Variants in THSD7B observed in about 807,000 individuals in gnomAD.
The protein encoded by THSD7B is thrombospondin type-1 domain-containing protein 7B.
Under a neutral mutation model 213.6 loss-of-function variants are expected in THSD7B, and 138 were observed. The observed-to-expected ratio is 0.65, with a 90% CI of 0.56 to 0.74. The LOEUF (loss-of-function observed/expected upper bound fraction) is 0.74, where lower values mean the gene tolerates loss of function less well. THSD7B is among the 30% of genes least tolerant of loss of function. THSD7B has a pLI of 0.00. For missense variants in THSD7B, 1,931 were observed against 1,991.5 expected (o/e 0.97, Z 0.58); for synonymous variants, 742 against 687.0 (o/e 1.08, Z -1.25).
At chr2:136,768,500 G>T (rs1230865443) in intron 1 of THSD7B, among the ~76,000 whole-genome samples, 2 of 152,168 alleles carry the variant, frequency 1.3e-5, no homozygotes, top group Non-Finnish European at 2.9e-5. Flanking sequence ...ATAGAATGAT[G>T]AAGAATATTT....
chr2:136,933,772 T>G (rs1037905735), intron 2 of THSD7B, among the ~76,000 whole-genome samples: 6 of 152,216 alleles, frequency 3.9e-5, no homozygotes, highest in African/African-American at 1.4e-4. Flanking sequence ...CTATATTCTC[T>G]TTTCATATTC....
intron 1 of THSD7B, among the ~76,000 whole-genome samples, chr2:136,795,964 C>G (rs1246205053): frequency 6.6e-6 from 1 of 151,590 alleles, no homozygotes; most frequent in African/African-American, 2.4e-5. Flanking sequence ...TTATTTTTTC[C>G]CCTTTGGTTA....
At chr2:136,804,403 AACACACACAC>A (rs3030361) in intron 1 of THSD7B, among the ~76,000 whole-genome samples, 4,540 of 148,184 alleles carry the variant, frequency 0.031, 154 homozygotes, top group East Asian at 0.17. Context: ...ACACACACAT[AACACACACAC>A]ACACACACAC....
At chr2:137,301,192 C>T (rs1006630141) in intron 12 of THSD7B, among the ~76,000 whole-genome samples, 1 of 152,038 alleles carries the variant, frequency 6.6e-6, no homozygotes, top group African/African-American at 2.4e-5. Flanking sequence ...CCCAACTGCC[C>T]CCAGCTTCCT....
chr2:137,313,317 T>C (rs1310506032), intron 12 of THSD7B, among the ~76,000 whole-genome samples: 62 of 152,178 alleles, frequency 4.1e-4, no homozygotes, highest in Non-Finnish European at 6.2e-4. Flanking sequence ...TTATCAGAGA[T>C]GAGGATTGCA....
At chr2:137,121,528 ATG>A in intron 5 of THSD7B, among the ~76,000 whole-genome samples, 1 of 152,208 alleles carries the variant, frequency 6.6e-6, no homozygotes, top group African/African-American at 2.4e-5. Context: ...GAGATTATGA[ATG>A]ACCTAGAACT....
intron 1 of THSD7B, among the ~76,000 whole-genome samples, chr2:136,872,344 A>G (rs1683442181): frequency 8.1e-6 from 1 of 123,370 alleles, no homozygotes; most frequent in South Asian, 2.8e-4. Flanking sequence ...TCTGTGATCT[A>G]TGGGAAAGAG....
intron 10 of THSD7B, among the ~76,000 whole-genome samples, chr2:137,271,029 A>G (rs77849854): frequency 0.027 from 4,056 of 152,180 alleles, 106 homozygotes; most frequent in Middle Eastern, 0.095. Context: ...TGGGTCTTCT[A>G]GTATTAATGA....
chr2:137,105,853 T>C (rs1478478759), intron 4 of THSD7B, among the ~76,000 whole-genome samples: 2 of 152,104 alleles, frequency 1.3e-5, no homozygotes, highest in African/African-American at 4.8e-5. Flanking sequence ...GTGAAGGACC[T>C]CTTCAAGGAG....
chr2:137,562,262 T>C (rs1179626144), intron 15 of THSD7B, among the ~76,000 whole-genome samples: 7 of 152,158 alleles, frequency 4.6e-5, no homozygotes, highest in African/African-American at 1.7e-4. Context: ...ATTAACTACA[T>C]TGGTGATAGG....
rs1205375165 is a variant in THSD7B at position 137,620,719 on chromosome 2, C to T, written c.3792C>T (p.Gly1264=). The change falls in exon 20 of 28, where the codon GGC becomes GGT. Residue 1264 remains glycine (G), a synonymous_variant. Transcript: ENST00000409968. ...GGACAGAGTGTTCACAGACCTGTGG[C>T]CATGGAGGTATTGGTTTCCCCATAT... The part of the protein sequence containing the change: ...TAWTECSQTC[G]HGGRMSRTRF... 1.2e-6 allele frequency: 2 copies of T among 1,612,674 alleles called. No individual in the cohort carries two copies. The highest frequency in any genetic ancestry group is 2.7e-5 in the African/African-American group (2 of 74,956).
intron 12 of THSD7B, among the ~76,000 whole-genome samples, chr2:137,357,287 A>G (rs1444961599): frequency 6.6e-6 from 1 of 152,148 alleles, no homozygotes; most frequent in East Asian, 1.9e-4. Context: ...CCCTATTCGA[A>G]ACAGCTAAGC....
intron 10 of THSD7B, among the ~76,000 whole-genome samples, chr2:137,271,758 T>C (rs1182167075): frequency 1.3e-5 from 2 of 152,018 alleles, no homozygotes; most frequent in Admixed American, 6.6e-5. Flanking sequence ...GCATTTACAG[T>C]GCAAATAGTC....
chr2:137,129,445 C>A (rs1688687169), intron 5 of THSD7B, among the ~76,000 whole-genome samples: 1 of 145,604 alleles, frequency 6.9e-6, no homozygotes, highest in African/African-American at 2.5e-5. Flanking sequence ...TCTGTAATTA[C>A]TTTTTTTTTT....
At chr2:137,362,487 C>T (rs1685288976) in intron 12 of THSD7B, among the ~76,000 whole-genome samples, 1 of 152,020 alleles carries the variant, frequency 6.6e-6, no homozygotes, top group South Asian at 2.1e-4. Context: ...TTCAGGAGAC[C>T]CATCTCACAT....
intron 14 of THSD7B, among the ~76,000 whole-genome samples, chr2:137,443,136 G>A (rs1687455476): frequency 6.6e-6 from 1 of 151,990 alleles, no homozygotes; most frequent in Non-Finnish European, 1.5e-5. Flanking sequence ...ATCGTCTAAG[G>A]AAAAAAATAT....
At chr2:137,007,794 T>C (rs1370590251) in intron 2 of THSD7B, among the ~76,000 whole-genome samples, 1 of 152,198 alleles carries the variant, frequency 6.6e-6, no homozygotes, top group Admixed American at 6.5e-5. Context: ...GAAGTCTGTA[T>C]GATGAATTCA....
intron 12 of THSD7B, among the ~76,000 whole-genome samples, chr2:137,282,030 A>G (rs545000078): frequency 6.1e-4 from 92 of 152,056 alleles, no homozygotes; most frequent in Non-Finnish European, 1.3e-3. Context: ...ACAGTGTAAA[A>G]GTGTTCCTAT....
chr2:137,080,163 AAT>A (rs1036747180), intron 3 of THSD7B, among the ~76,000 whole-genome samples: 2 of 144,974 alleles, frequency 1.4e-5, no homozygotes, highest in South Asian at 4.6e-4. Flanking sequence ...AATATATGTA[AAT>A]ATATGTGTGT....
Sources: gnomAD v4.1 joint callset for allele counts (sites outside exome capture counted in the v4.1 genomes callset) on GRCh38, gnomAD v4.1.1 for gene constraint, MANE v1.5 for transcripts, NCBI Gene and HGNC (gene_info 2026-07-23, HGNC 2026-07-21) for gene names.